Variants in RARB observed in about 807,000 individuals in gnomAD.
RARB encodes retinoic acid receptor beta.
A neutral mutation model predicts 51.9 loss-of-function variants in RARB; 17 were observed. That is an observed-to-expected ratio of 0.33 (90% CI 0.22 to 0.49). RARB has a LOEUF of 0.49. Among genes scored for constraint, RARB ranks in the 20% least tolerant of loss-of-function variants. The probability of loss-of-function intolerance (pLI) is 0.99; values close to 1 mark genes in which losing one functional copy is unlikely to be tolerated. For missense variants in RARB, 369 were observed against 550.8 expected (o/e 0.67, Z 3.30); for synonymous variants, 215 against 195.4 (o/e 1.10, Z -0.84).
At chr3:25,161,359 C>A (rs961060474) in intron 4 of RARB, among the ~76,000 whole-genome samples, 2 of 151,958 alleles carry the variant, frequency 1.3e-5, no homozygotes, top group Admixed American at 6.6e-5. Flanking sequence ...TGTCAAGATT[C>A]TTAACTTTAA....
At chr3:25,434,263 CA>C (rs1367306004) in intron 1 of RARB, among the ~76,000 whole-genome samples, 1 of 152,098 alleles carries the variant, frequency 6.6e-6, no homozygotes, top group African/African-American at 2.4e-5. Context: ...CCCTGATTTC[CA>C]AAAGCAGATT....
chr3:24,999,284 C>T (rs754401124), intron 2 of RARB, among the ~76,000 whole-genome samples: 13 of 152,114 alleles, frequency 8.5e-5, no homozygotes, highest in Non-Finnish European at 1.6e-4. Flanking sequence ...CTCACCTTTG[C>T]CACACCCATA....
At chr3:25,245,173 C>A (rs1702527675) in intron 5 of RARB, among the ~76,000 whole-genome samples, 1 of 152,078 alleles carries the variant, frequency 6.6e-6, no homozygotes. Context: ...CTTCCTCCAT[C>A]CCTTTATTTT....
intron 2 of RARB, chr3:24,858,776 A>C (rs1301878610): frequency 6.6e-6 from 1 of 151,940 alleles, no homozygotes; most frequent in Non-Finnish European, 1.5e-5. Flanking sequence ...TAGTCCTTTT[A>C]AGTTCTCTAA....
At chr3:25,381,707 T>G (rs1706630528) in intron 5 of RARB, among the ~76,000 whole-genome samples, 1 of 152,204 alleles carries the variant, frequency 6.6e-6, no homozygotes, top group South Asian at 2.1e-4. Flanking sequence ...GTTGAGTCCT[T>G]GGACCAGCAG....
chr3:25,417,551 C>T (rs531695297), intron 5 of RARB, among the ~76,000 whole-genome samples: 1 of 152,170 alleles, frequency 6.6e-6, no homozygotes, highest in African/African-American at 2.4e-5. Flanking sequence ...CACAAGCTCT[C>T]TTCTCTTGTC....
At chr3:25,508,433 A>G (rs528991125) in intron 3 of RARB, among the ~76,000 whole-genome samples, 2 of 152,328 alleles carry the variant, frequency 1.3e-5, no homozygotes, top group South Asian at 2.1e-4. Flanking sequence ...GACTAAAGGC[A>G]CTTAACCTCA....
At chr3:25,303,125 A>T (rs1300174734) in intron 5 of RARB, among the ~76,000 whole-genome samples, 1 of 152,124 alleles carries the variant, frequency 6.6e-6, no homozygotes, top group Non-Finnish European at 1.5e-5. Context: ...TTGGTCCTTT[A>T]TACAGACAAC....
At chr3:25,242,649 T>C (rs1453276015) in intron 5 of RARB, among the ~76,000 whole-genome samples, 2 of 152,188 alleles carry the variant, frequency 1.3e-5, no homozygotes, top group African/African-American at 2.4e-5. Context: ...AGGGCTCTGT[T>C]CTGTTCCATT....
At chr3:25,439,960 A>G (rs573230806) in intron 1 of RARB, among the ~76,000 whole-genome samples, 21 of 152,254 alleles carry the variant, frequency 1.4e-4, no homozygotes, top group African/African-American at 2.9e-4. Context: ...TTGGGTAGAC[A>G]TTCTTCGTGC....
At chr3:25,151,620 C>T (rs1047919633) in intron 4 of RARB, among the ~76,000 whole-genome samples, 2 of 152,210 alleles carry the variant, frequency 1.3e-5, no homozygotes, top group African/African-American at 4.8e-5. Flanking sequence ...GCGTGTTCTT[C>T]TCAGATATCC....
chr3:24,928,581 G>A (rs1037833257), intron 2 of RARB, among the ~76,000 whole-genome samples: 5 of 151,966 alleles, frequency 3.3e-5, no homozygotes, highest in Non-Finnish European at 7.4e-5. Flanking sequence ...ACTTCTGAAA[G>A]TTCTTTTTTG....
intron 1 of RARB, among the ~76,000 whole-genome samples, chr3:25,442,308 G>A (rs977009711): frequency 1.2e-4 from 18 of 151,906 alleles, no homozygotes; most frequent in Admixed American, 6.6e-5. Flanking sequence ...GCTAATTTTT[G>A]TGTTTTTAGT....
intron 2 of RARB, among the ~76,000 whole-genome samples, chr3:24,961,953 A>G (rs4299443): frequency 0.89 from 104,650 of 118,084 alleles, 46,495 homozygotes; most frequent in East Asian, 0.96. Flanking sequence ...TTTTTGAGAC[A>G]GAGTCTTGCT....
In RARB at chr3:25,044,881, C is replaced by A. The variant is rs567558582; in HGVS notation, c.-379-15244C>A. 2.6e-5 allele frequency among the ~76,000 whole-genome samples: 4 copies of A among 152,250 alleles called. No individual in the cohort carries two copies. In the South Asian group the frequency reaches 8.3e-4, roughly 32 times the overall value. On this transcript the variant is annotated intron_variant, in intron 2 of 11. Transcript: ENST00000383772. ...TCTTTCCCCCAGACAGCAGTCCTGT[C>A]TCTCTTTATTAATCTCCATTGTTCT...
chr3:25,085,974 T>A (rs908301960), intron 3 of RARB, among the ~76,000 whole-genome samples: 5 of 152,154 alleles, frequency 3.3e-5, no homozygotes, highest in Non-Finnish European at 5.9e-5. Flanking sequence ...TGGAAGAAGT[T>A]CTCCTCCACG....
At chr3:25,346,307 C>G (rs1204524115) in intron 5 of RARB, among the ~76,000 whole-genome samples, 2 of 152,132 alleles carry the variant, frequency 1.3e-5, no homozygotes, top group Non-Finnish European at 2.9e-5. Context: ...AAAGTGAAAG[C>G]CAACATTTCT....
At chr3:25,180,766 A>C (rs1700845045) in intron 5 of RARB, among the ~76,000 whole-genome samples, 1 of 152,198 alleles carries the variant, frequency 6.6e-6, no homozygotes. Context: ...GGGGAGAAGG[A>C]AAGAGGAAGG....
chr3:25,332,757 G>A (rs2068934127), intron 5 of RARB, among the ~76,000 whole-genome samples: 1 of 152,190 alleles, frequency 6.6e-6, no homozygotes, highest in Non-Finnish European at 1.5e-5. Flanking sequence ...CAGATGACAT[G>A]ATTGTATATT....
Sources: gnomAD v4.1 joint callset for allele counts (sites outside exome capture counted in the v4.1 genomes callset) on GRCh38, gnomAD v4.1.1 for gene constraint, MANE v1.5 for transcripts, NCBI Gene and HGNC (gene_info 2026-07-23, HGNC 2026-07-21) for gene names.